Variants in IQCM observed in about 807,000 individuals in gnomAD.
IQCM encodes IQ domain-containing protein M.
A neutral mutation model predicts 57.6 loss-of-function variants in IQCM; 45 were observed. The ratio of observed to expected loss-of-function variants is 0.78; its 90% CI spans 0.62 to 1.00. The LOEUF (loss-of-function observed/expected upper bound fraction) is 1.00. Ranked by LOEUF, IQCM falls within the 50% of genes least tolerant of loss-of-function variation. The probability of loss-of-function intolerance (pLI) is 0.00; values close to 1 mark genes in which losing one functional copy is unlikely to be tolerated. For missense variants in IQCM, 468 were observed against 511.6 expected (o/e 0.91, Z 0.82); for synonymous variants, 148 against 158.9 (o/e 0.93, Z 0.51).
chr4:149,696,365 T>G (rs1329092969), intron 5 of IQCM, among the ~76,000 whole-genome samples: 1 of 152,182 alleles, frequency 6.6e-6, no homozygotes, highest in African/African-American at 2.4e-5. Context: ...ATTGTCAATC[T>G]CTTTTGCTGA....
intron 12 of IQCM, among the ~76,000 whole-genome samples, chr4:149,485,695 C>T (rs1560901158): frequency 6.6e-6 from 1 of 151,896 alleles, no homozygotes; most frequent in Non-Finnish European, 1.5e-5. Flanking sequence ...TCTGTTTATC[C>T]TGGATTGGTC....
chr4:149,768,311 A>G (rs969171412), intron 2 of IQCM, among the ~76,000 whole-genome samples: 1 of 152,142 alleles, frequency 6.6e-6, no homozygotes, highest in African/African-American at 2.4e-5. Context: ...ACATCACACA[A>G]TCTGCTGATA....
At chr4:149,511,572 T>C (rs1470854673) in intron 12 of IQCM, among the ~76,000 whole-genome samples, 1 of 134,150 alleles carries the variant, frequency 7.5e-6, no homozygotes, top group Non-Finnish European at 1.6e-5. Context: ...AATAAATAAA[T>C]ATTAAACATT....
At chr4:149,731,511 T>C (rs1304062103) in intron 5 of IQCM, among the ~76,000 whole-genome samples, 2 of 152,200 alleles carry the variant, frequency 1.3e-5, no homozygotes, top group African/African-American at 2.4e-5. Context: ...CAGACTGAGA[T>C]AGTCTCTAAA....
chr4:149,450,517 A>T (rs1305486025), intron 12 of IQCM, among the ~76,000 whole-genome samples: 2 of 151,844 alleles, frequency 1.3e-5, no homozygotes, highest in Non-Finnish European at 2.9e-5. Flanking sequence ...TGTAGGAAAA[A>T]AATCTGATAA....
intron 12 of IQCM, among the ~76,000 whole-genome samples, chr4:149,495,716 C>G (rs1398420442): frequency 6.6e-6 from 1 of 151,866 alleles, no homozygotes; most frequent in East Asian, 1.9e-4. Flanking sequence ...GTGGAGCTGC[C>G]AGGCAAAATG....
At chr4:149,738,215 T>G (rs1767123837) in intron 3 of IQCM, among the ~76,000 whole-genome samples, 1 of 152,186 alleles carries the variant, frequency 6.6e-6, no homozygotes, top group African/African-American at 2.4e-5. Context: ...AATGTACTGC[T>G]TTTCCCAGTG....
chr4:149,548,635 A>G, intron 11 of IQCM, 46 bp from the exon 12 acceptor site: 3 of 980,056 alleles, frequency 3.1e-6, no homozygotes, highest in Non-Finnish European at 4.0e-6. Context: ...TAAACAATAC[A>G]TCAAGTAAAA....
intron 12 of IQCM, among the ~76,000 whole-genome samples, chr4:149,528,266 G>T (rs1254275663): frequency 1.3e-5 from 2 of 152,036 alleles, no homozygotes; most frequent in East Asian, 3.9e-4. Context: ...GATTACAGGC[G>T]TGAGCCACCA....
chr4:149,377,868 C>T (rs1171854515), intron 13 of IQCM, among the ~76,000 whole-genome samples: 1 of 152,154 alleles, frequency 6.6e-6, no homozygotes, highest in Non-Finnish European at 1.5e-5. Flanking sequence ...CAGAACACAA[C>T]TGCCTATCAC....
chr4:149,812,457 ATCTC>A (rs745971362), intron 2 of IQCM, among the ~76,000 whole-genome samples: 75 of 139,662 alleles, frequency 5.4e-4, no homozygotes, highest in South Asian at 1.2e-3. Context: ...TACCTTCTAG[ATCTC>A]TCTCTCTCTC....
intron 12 of IQCM, among the ~76,000 whole-genome samples, chr4:149,436,759 A>T (rs1015036181): frequency 6.6e-6 from 1 of 152,052 alleles, no homozygotes; most frequent in Non-Finnish European, 1.5e-5. Flanking sequence ...AGGGATTTAG[A>T]TGTAGCAATA....
At chr4:149,805,369 C>G (rs1186072583) in intron 2 of IQCM, among the ~76,000 whole-genome samples, 2 of 151,996 alleles carry the variant, frequency 1.3e-5, no homozygotes, top group Admixed American at 6.6e-5. Context: ...TTTCTTTTCT[C>G]TAGAGAGTTC....
Position 149,694,505 on chromosome 4 carries a change from C to T in IQCM, c.386-8037G>A, listed in dbSNP as rs1041251340. Among the ~76,000 whole-genome samples, 3 of 152,158 alleles carry T rather than the reference C, an allele frequency of 2.0e-5. No individual in the cohort carries two copies. The South Asian group carries it at 6.2e-4, about 32-fold the overall frequency. On this transcript the variant is annotated intron_variant, in intron 5 of 13. Coordinates refer to ENST00000636793, the MANE Select transcript of IQCM (RefSeq NM_001363507.2). ...TACTTCCACTAATTCCCACTGTTCT[C>T]CTGACCTTCATAAAGAATCCCTATT...
intron 12 of IQCM, among the ~76,000 whole-genome samples, chr4:149,533,446 G>A (rs2149857701): frequency 6.6e-6 from 1 of 152,044 alleles, no homozygotes; most frequent in Admixed American, 6.6e-5. Flanking sequence ...TTTTTAAAAG[G>A]CCTTTAAAAA....
chr4:149,711,586 T>C (rs1460813997), intron 5 of IQCM, among the ~76,000 whole-genome samples: 1 of 152,184 alleles, frequency 6.6e-6, no homozygotes, highest in East Asian at 1.9e-4. Flanking sequence ...TCTCTATAAA[T>C]TGGCTTTCAA....
At chr4:149,465,067 A>G (rs1738703043) in intron 12 of IQCM, among the ~76,000 whole-genome samples, 1 of 152,202 alleles carries the variant, frequency 6.6e-6, no homozygotes, top group Admixed American at 6.5e-5. Context: ...ACCAGCTTAC[A>G]CAAGTGCCCA....
chr4:149,583,194 C>T (rs528764197), intron 9 of IQCM, among the ~76,000 whole-genome samples: 2 of 151,626 alleles, frequency 1.3e-5, no homozygotes, highest in Non-Finnish European at 3.0e-5. Context: ...TCTTCATCTA[C>T]ATATTTACAT....
At chr4:149,435,669 G>T (rs1735291894) in intron 12 of IQCM, among the ~76,000 whole-genome samples, 1 of 151,878 alleles carries the variant, frequency 6.6e-6, no homozygotes, top group Non-Finnish European at 1.5e-5. Flanking sequence ...GCTTCATGCT[G>T]CTATTGGCCC....
Sources: gnomAD v4.1 joint callset for allele counts (sites outside exome capture counted in the v4.1 genomes callset) on GRCh38, gnomAD v4.1.1 for gene constraint, MANE v1.5 for transcripts, NCBI Gene and HGNC (gene_info 2026-07-23, HGNC 2026-07-21) for gene names.